AS3MT: variants seen among roughly 807,000 people sequenced by gnomAD.
AS3MT encodes arsenite methyltransferase.
AS3MT carries 47 observed loss-of-function variants against 45.3 expected under a neutral mutation model. The observed-to-expected ratio is 1.04, with a 90% CI of 0.82 to 1.32. The LOEUF is 1.32. AS3MT is among the 40% of genes most tolerant of loss of function. The probability of loss-of-function intolerance (pLI) is 0.00; values close to 1 mark genes in which losing one functional copy is unlikely to be tolerated. For missense variants in AS3MT, 396 were observed against 451.1 expected, an observed-to-expected ratio of 0.88 and a Z score of 1.11; for synonymous variants, 141 against 152.8, an observed-to-expected ratio of 0.92 and a Z score of 0.57.
At chr10:102,873,477 G>A (rs937652093) in intron 5 of AS3MT, among the ~76,000 whole-genome samples, 1 of 151,962 alleles carries the variant, frequency 6.6e-6, no homozygotes, top group Non-Finnish European at 1.5e-5. Context: ...GTAGAGACAG[G>A]GTTTCACCAT....
chr10:102,890,509 C>G, intron 9 of AS3MT, 35 bp from the exon 10 acceptor site: 1 of 1,538,420 alleles, frequency 6.5e-7, no homozygotes, highest in Non-Finnish European at 8.7e-7. Flanking sequence ...ACTAAAGTTG[C>G]AACTCTTAGT....
chr10:102,888,886 T>A lies in AS3MT; in HGVS notation c.886-1658T>A, dbSNP rs1189042627. ...ATATATATATATATATATATATTTT[T>A]TTTTTTTTTTTTGAGACGGAGTCTC... On this transcript the variant is annotated intron_variant, in intron 9 of 10. Coordinates refer to ENST00000369880, the MANE Select transcript of AS3MT (RefSeq NM_020682.4). Among the ~76,000 whole-genome samples the A allele has an allele frequency of 3.4e-3, 448 of 132,180 alleles. 1 individual carries two copies. The highest frequency in any genetic ancestry group is 0.012 in the African/African-American group (427 of 35,124). 86.7% of individuals were successfully genotyped at this position (132,180 alleles called of 152,430 possible).
chr10:102,879,199 A>G (rs1379732543), intron 9 of AS3MT, among the ~76,000 whole-genome samples: 3 of 152,042 alleles, frequency 2.0e-5, no homozygotes, highest in African/African-American at 7.2e-5. Flanking sequence ...TCGCTCTGTC[A>G]CCCAGGCTGG....
intron 3 of AS3MT, among the ~76,000 whole-genome samples, chr10:102,871,417 C>T (rs1844680914): frequency 6.6e-6 from 1 of 151,650 alleles, no homozygotes. Flanking sequence ...TGTGGCGGCA[C>T]GCGCCTGTAG....
At chr10:102,882,185 C>T (rs550116023) in intron 9 of AS3MT, among the ~76,000 whole-genome samples, 34 of 151,934 alleles carry the variant, frequency 2.2e-4, no homozygotes, top group Non-Finnish European at 3.4e-4. Context: ...GTGATCCACC[C>T]GCCTCGGCCT....
chr10:102,895,923 G>A lies in AS3MT; in HGVS notation c.1021-4670G>A, dbSNP rs190945526. Among the ~76,000 whole-genome samples the A allele has an allele frequency of 2.6e-4, 40 of 152,216 alleles. No homozygotes were observed. The East Asian group carries it at 6.6e-3, about 25-fold the overall frequency. On this transcript the variant is annotated intron_variant, in intron 10 of 10. Transcript: ENST00000369880. The stretch of plus-strand genomic sequence containing the variant: ...CCCAAGTAGCTGGGATTACAGGTGC[G>A]CACCATCACAGCCGGCTAATTTTTG...
chr10:102,900,789 A>T lies in AS3MT; in HGVS notation c.*89A>T. 1 of 1,068,138 alleles carries T rather than the reference A, an allele frequency of 9.4e-7. No individual in the cohort carries two copies. Among genetic ancestry groups the T allele is most frequent in the Non-Finnish European group, 1.4e-6 (1 of 704,382 alleles). 66.2% of individuals were successfully genotyped at this position (1,068,138 alleles called of 1,614,324 possible). On this transcript the variant is annotated 3_prime_UTR_variant, in exon 11 of 11. Transcript: ENST00000369880. ...TTTTCCCCATAGCACAGACCATAAG[A>T]AACAACAAATGGGGCCGGGCACAGT...
intron 10 of AS3MT, among the ~76,000 whole-genome samples, chr10:102,896,246 C>A (rs555141126): frequency 6.8e-6 from 1 of 146,320 alleles, no homozygotes; most frequent in Admixed American, 7.1e-5. Flanking sequence ...GCAGGAGGAT[C>A]GTTTTGAGCC....
intron 10 of AS3MT, among the ~76,000 whole-genome samples, chr10:102,891,291 G>A (rs901656064): frequency 1.3e-5 from 2 of 152,194 alleles, no homozygotes; most frequent in Non-Finnish European, 2.9e-5. Context: ...GACATTCCTG[G>A]TGGAGTCGGC....
At chr10:102,886,454 A>T (rs1844958889) in intron 9 of AS3MT, among the ~76,000 whole-genome samples, 1 of 151,646 alleles carries the variant, frequency 6.6e-6, no homozygotes, top group Non-Finnish European at 1.5e-5. Context: ...CCTCCCAAGT[A>T]GCTGGGATTA....
intron 3 of AS3MT, among the ~76,000 whole-genome samples, chr10:102,870,447 G>A (rs752969535): frequency 6.6e-6 from 1 of 152,086 alleles, no homozygotes; most frequent in Non-Finnish European, 1.5e-5. Context: ...GCAGAGGATC[G>A]CGTGAGCCCA....
rs1844792831 is a variant in AS3MT, at chr10:102,876,943, C to T, written c.529-11C>T. 6.2e-7 allele frequency: 1 copy of T among 1,613,504 alleles called. No individual in the cohort carries two copies. The highest frequency in any genetic ancestry group is 8.5e-7 in the Non-Finnish European group (1 of 1,179,602). ...AATCATCTTGTTTGGACTAATATGCCTCTGTTTCAGCATGGTGGGGAGTTA... is the reference window on the plus strand; with the variant it reads ...AATCATCTTGTTTGGACTAATATGCTTCTGTTTCAGCATGGTGGGGAGTTA... On this transcript the variant is annotated splice_polypyrimidine_tract_variant and intron_variant, in intron 6 of 10. Transcript: ENST00000369880.
chr10:102,874,657 T>G lies in AS3MT; in HGVS notation c.524T>G (p.Leu175Arg). The G allele has an allele frequency of 6.2e-7, 1 of 1,606,758 alleles. No homozygotes were observed. The highest frequency in any genetic ancestry group is 8.5e-7 in the Non-Finnish European group (1 of 1,175,082). ...QQVLQEAYRV[L>R]KHGGELYFSD... ...GTGCTTCAGGAGGCATATCGGGTGC[T>G]GAAGGTGAGGAGGAGAGTGAGATAA... is the stretch of plus-strand genomic sequence containing the variant. The change falls in exon 6 of 11, where the codon CTG (leucine) becomes CGG (arginine). Residue 175 changes from leucine (L) to arginine (R), a missense_variant. Coordinates refer to ENST00000369880, the MANE Select transcript of AS3MT (RefSeq NM_020682.4).
intron 4 of AS3MT, 52 bp downstream of exon 4, chr10:102,872,650 T>A: frequency 6.4e-7 from 1 of 1,555,946 alleles, no homozygotes; most frequent in Non-Finnish European, 8.7e-7. Context: ...AAGCATTATT[T>A]GAAAAATAAA....
chr10:102,898,962 A>C (rs557169003), intron 10 of AS3MT, among the ~76,000 whole-genome samples: 1 of 152,330 alleles, frequency 6.6e-6, no homozygotes, highest in South Asian at 2.1e-4. Context: ...ATGTTGGTGC[A>C]GGAAAGGACT....
At chr10:102,880,122 A>C (rs1193259496) in intron 9 of AS3MT, among the ~76,000 whole-genome samples, 2 of 152,308 alleles carry the variant, frequency 1.3e-5, no homozygotes, top group East Asian at 3.9e-4. Flanking sequence ...AGTATGTACA[A>C]TAGTATTTCA....
Position 102,898,114 on chromosome 10 carries a change from C to CT in AS3MT, c.1021-2465dup, listed in dbSNP as rs879845465. ...TGCTCTTAGGGAAGGACATTCTTAT[C>CT]TTTTTTTTTTTTTTCTTAACGGAAG... is the stretch of plus-strand genomic sequence containing the variant. On this transcript the variant is annotated intron_variant, in intron 10 of 10. Coordinates refer to ENST00000369880, the MANE Select transcript of AS3MT (RefSeq NM_020682.4). Among the ~76,000 whole-genome samples the CT allele has an allele frequency of 4.5e-3, 643 of 143,078 alleles. 1 individual carries two copies. The highest frequency in any genetic ancestry group is 8.3e-3 in the African/African-American group (325 of 39,392). 93.9% of individuals were successfully genotyped at this position (143,078 alleles called of 152,430 possible). A position where few individuals can be genotyped will look rare whatever the true frequency, so the allele number is the denominator to read the frequency against.
At chr10:102,885,128 C>T (rs1294540541) in intron 9 of AS3MT, among the ~76,000 whole-genome samples, 1 of 152,072 alleles carries the variant, frequency 6.6e-6, no homozygotes, top group Non-Finnish European at 1.5e-5. Flanking sequence ...TAATCAAGCT[C>T]TCTTCATCCT....
At position 102,889,607 on chromosome 10, in the gene AS3MT, T is replaced by TCTGCCTGC. The variant is rs201022942; in HGVS notation, c.886-934_886-927dup. 1.1e-3 allele frequency among the ~76,000 whole-genome samples: 142 copies of TCTGCCTGC among 123,664 alleles called. 2 individuals carry two copies. Among genetic ancestry groups the TCTGCCTGC allele is most frequent in the African/African-American group, 2.4e-3 (81 of 34,060 alleles). The allele number at this position is 123,664 out of a possible 152,430, so 81.1% of individuals were successfully genotyped here. On this transcript the variant is annotated intron_variant, in intron 9 of 10. Transcript: ENST00000369880. Reference sequence around the variant, plus strand: ...TCATTCCCTTCCCTTCCCCTGCCTGTCTGCCTGCCTTCCTTCCTTCCTTCC... The same window carrying TCTGCCTGC: ...TCATTCCCTTCCCTTCCCCTGCCTGTCTGCCTGCCTGCCTGCCTTCCTTCCTTCCTTCC...
Sources: allele counts gnomAD v4.1 joint callset (sites outside exome capture counted in the v4.1 genomes callset), GRCh38; gene constraint gnomAD v4.1.1; transcripts MANE v1.5; gene names NCBI Gene and HGNC (gene_info 2026-07-23, HGNC 2026-07-21).